Variants in C1QTNF3 observed in about 807,000 individuals in gnomAD.
C1QTNF3 encodes C1q and TNF related 3.
A neutral mutation model predicts 32.6 loss-of-function variants in C1QTNF3; 26 were observed. That is an observed-to-expected ratio of 0.80 (90% CI 0.58 to 1.11). The LOEUF is 1.11. Among genes scored for constraint, C1QTNF3 ranks in the 50% least tolerant of loss-of-function variants. The pLI, the probability that C1QTNF3 is intolerant of heterozygous loss-of-function variation, is 0.00. For missense variants in C1QTNF3, 362 were observed against 398.2 expected, an observed-to-expected ratio of 0.91 and a Z score of 0.77; for synonymous variants, 155 against 146.0, an observed-to-expected ratio of 1.06 and a Z score of -0.44.
chr5:34,142,988 C>T, the C1QTNF3 span, among the ~76,000 whole-genome samples: 1 of 152,148 alleles, frequency 6.6e-6, no homozygotes, highest in African/African-American at 2.4e-5. Flanking sequence ...CAAGAAAGCA[C>T]ATCAAGACTT....
intron 5 of C1QTNF3, 116 bp downstream of exon 5, chr5:34,023,793 T>G: frequency 1.5e-6 from 1 of 663,726 alleles, no homozygotes; most frequent in Non-Finnish European, 2.6e-6. Flanking sequence ...GGGCTCTTAT[T>G]AAGGATAGGG....
chr5:34,103,929 C>T, the C1QTNF3 span, among the ~76,000 whole-genome samples: 824 of 150,250 alleles, frequency 5.5e-3, 3 homozygotes, highest in South Asian at 0.013. Flanking sequence ...AATATTAGCC[C>T]AGATATTTTT....
chr5:34,133,340 A>G, the C1QTNF3 span, among the ~76,000 whole-genome samples: 1 of 152,164 alleles, frequency 6.6e-6, no homozygotes, highest in Non-Finnish European at 1.5e-5. Flanking sequence ...GCATTTTGAA[A>G]AAGATAACTG....
chr5:34,018,070 G>T lies in C1QTNF3; in HGVS notation c.*2513C>A, dbSNP rs569085485. Among the ~76,000 whole-genome samples the T allele has an allele frequency of 6.6e-6, 1 of 151,598 alleles. No individual in the cohort carries two copies. Among genetic ancestry groups the T allele is most frequent in the South Asian group, 2.1e-4 (1 of 4,808 alleles). ...AGCAAGATACAAAAATATATAAAAA[G>T]CTAATTTCAAATTATTTTATTACTA... On this transcript the variant is annotated 3_prime_UTR_variant, in exon 6 of 6. Transcript: ENST00000382065.
the C1QTNF3 span, among the ~76,000 whole-genome samples, chr5:34,102,822 G>A: frequency 4.1e-4 from 63 of 152,404 alleles, no homozygotes; most frequent in African/African-American, 1.4e-3. Flanking sequence ...ATCACACACC[G>A]GGGCCTGTTG....
the C1QTNF3 span, among the ~76,000 whole-genome samples, chr5:34,148,148 C>T: frequency 2.3e-3 from 343 of 146,918 alleles, 2 homozygotes; most frequent in African/African-American, 7.7e-3. Flanking sequence ...CTTTTCAGAC[C>T]GGCTTAAGAA....
chr5:34,181,671 G>C, the C1QTNF3 span, among the ~76,000 whole-genome samples: 9,511 of 149,660 alleles, frequency 0.064, 42 homozygotes, highest in African/African-American at 0.18. Flanking sequence ...GTGTGTAGAA[G>C]TCAAAGGCCC....
the C1QTNF3 span, among the ~76,000 whole-genome samples, chr5:34,175,178 G>C: frequency 1.1e-4 from 16 of 152,072 alleles, no homozygotes; most frequent in Admixed American, 3.3e-4. Flanking sequence ...CAAGCAGCTA[G>C]GACTACAGGC....
chr5:34,056,475 TATATAGAGAGAGAGAGAGAGAGAGAGAG>T, the C1QTNF3 span, among the ~76,000 whole-genome samples: 3 of 101,262 alleles, frequency 3.0e-5, no homozygotes, highest in Non-Finnish European at 5.8e-5. Context: ...TATATATATA[TATATAGAGAGAGAGAGAGAGAGAGAGAG>T]AGAGAGAGAG....
the C1QTNF3 span, among the ~76,000 whole-genome samples, chr5:34,222,493 C>T: frequency 6.6e-6 from 1 of 151,506 alleles, no homozygotes; most frequent in South Asian, 2.1e-4. Context: ...ATATAAAATG[C>T]ATAAATAAAA....
chr5:34,210,710 G>A, the C1QTNF3 span, among the ~76,000 whole-genome samples: 3 of 152,024 alleles, frequency 2.0e-5, no homozygotes, highest in South Asian at 2.1e-4. Flanking sequence ...TGATACAACA[G>A]ATATTTTTAC....
At chr5:34,053,809 C>A in the C1QTNF3 span, among the ~76,000 whole-genome samples, 2 of 152,160 alleles carry the variant, frequency 1.3e-5, no homozygotes, top group African/African-American at 4.8e-5. Flanking sequence ...AGTCTGCTGA[C>A]TCTTAGTCCA....
the C1QTNF3 span, among the ~76,000 whole-genome samples, chr5:34,216,338 G>A: frequency 6.6e-6 from 1 of 152,224 alleles, no homozygotes; most frequent in Non-Finnish European, 1.5e-5. Context: ...GGTGAAGTCA[G>A]TATGAATGAA....
At chr5:34,068,105 G>A in the C1QTNF3 span, among the ~76,000 whole-genome samples, 10 of 152,048 alleles carry the variant, frequency 6.6e-5, no homozygotes, top group Non-Finnish European at 1.5e-4. Flanking sequence ...AACATATGCA[G>A]AAGTTTACTT....
chr5:34,219,557 T>C, the C1QTNF3 span, among the ~76,000 whole-genome samples: 12 of 151,580 alleles, frequency 7.9e-5, no homozygotes, highest in South Asian at 2.1e-4. Flanking sequence ...TTCAAGAACA[T>C]AGAATATTGT....
At chr5:34,215,066 A>AT in the C1QTNF3 span, among the ~76,000 whole-genome samples, 3 of 152,320 alleles carry the variant, frequency 2.0e-5, no homozygotes, top group African/African-American at 7.2e-5. Context: ...TAATAGACAC[A>AT]TATAAATACC....
chr5:34,177,124 T>C, the C1QTNF3 span, among the ~76,000 whole-genome samples: 1 of 150,384 alleles, frequency 6.6e-6, no homozygotes, highest in African/African-American at 2.4e-5. Context: ...GCCCAGGAGG[T>C]TGAGCAGTGA....
chr5:34,071,289 T>C, the C1QTNF3 span, among the ~76,000 whole-genome samples: 1 of 152,336 alleles, frequency 6.6e-6, no homozygotes, highest in Non-Finnish European at 1.5e-5. Flanking sequence ...GAACTGCAAT[T>C]GATAATAAAC....
the C1QTNF3 span, among the ~76,000 whole-genome samples, chr5:34,114,164 T>C: frequency 1.3e-5 from 2 of 152,218 alleles, no homozygotes; most frequent in African/African-American, 2.4e-5. Context: ...TGAAATTATA[T>C]GAACTAAATT....
Sources: allele counts gnomAD v4.1 joint callset (sites outside exome capture counted in the v4.1 genomes callset), GRCh38; gene constraint gnomAD v4.1.1; transcripts MANE v1.5; gene names NCBI Gene and HGNC (gene_info 2026-07-23, HGNC 2026-07-21).